TENM3: variants seen among roughly 807,000 people sequenced by gnomAD.
TENM3 encodes the protein teneurin-3.
Under a neutral mutation model 255.1 loss-of-function variants are expected in TENM3, and 63 were observed. The ratio of observed to expected loss-of-function variants is 0.25; its 90% CI spans 0.20 to 0.30. TENM3 has a LOEUF of 0.30. Ranked by LOEUF, TENM3 falls within the 10% of genes least tolerant of loss-of-function variation. TENM3 has a pLI of 1.00. For synonymous variants in TENM3, 1,306 were observed against 1,322.3 expected (o/e 0.99, Z 0.27); for missense variants, 2,929 against 3,461.1 (o/e 0.85, Z 3.86).
chr4:181,549,551 G>A, the TENM3 span, among the ~76,000 whole-genome samples: 730 of 152,318 alleles, frequency 4.8e-3, 3 homozygotes, highest in Non-Finnish European at 7.1e-3. Flanking sequence ...GCATATGAAT[G>A]TGTTTGGTTT....
chr4:182,568,523 G>A (rs1253396535), intron 3 of TENM3, among the ~76,000 whole-genome samples: 1 of 152,330 alleles, frequency 6.6e-6, no homozygotes, highest in South Asian at 2.1e-4. Context: ...CAGGCAGGAT[G>A]TAGAGTAATT....
chr4:182,463,919 G>A (rs1561474760), intron 3 of TENM3, among the ~76,000 whole-genome samples: 1 of 152,028 alleles, frequency 6.6e-6, no homozygotes, highest in Non-Finnish European at 1.5e-5. Context: ...ACCGTGCCCA[G>A]CCGTAGTATC....
chr4:181,869,711 C>T, the TENM3 span, among the ~76,000 whole-genome samples: 14 of 152,168 alleles, frequency 9.2e-5, no homozygotes, highest in East Asian at 2.7e-3. Flanking sequence ...TTATGGAGTG[C>T]ACTGAGAATT....
intron 1 of TENM3, among the ~76,000 whole-genome samples, chr4:182,276,036 C>T (rs992649266): frequency 5.7e-4 from 87 of 152,248 alleles, no homozygotes; most frequent in African/African-American, 1.6e-3. Flanking sequence ...TGGTCAAGCA[C>T]GGCCTCTCTC....
intron 16 of TENM3, among the ~76,000 whole-genome samples, chr4:182,733,077 G>A (rs76756302): frequency 0.043 from 6,599 of 152,282 alleles, 249 homozygotes; most frequent in Admixed American, 0.098. Flanking sequence ...GTCAGGTTGC[G>A]ATGAGACTTA....
chr4:181,985,435 C>A, the TENM3 span, among the ~76,000 whole-genome samples: 1 of 152,016 alleles, frequency 6.6e-6, no homozygotes, highest in Non-Finnish European at 1.5e-5. Context: ...AAATAATCCT[C>A]ATCTCTAAAA....
At chr4:182,759,237 C>T (rs931197730) in intron 22 of TENM3, among the ~76,000 whole-genome samples, 1 of 152,138 alleles carries the variant, frequency 6.6e-6, no homozygotes, top group Non-Finnish European at 1.5e-5. Context: ...TGGCTCCCAC[C>T]ACTCCTGGAA....
At chr4:181,960,565 C>G in the TENM3 span, among the ~76,000 whole-genome samples, 64,965 of 151,932 alleles carry the variant, frequency 0.43, 14,374 homozygotes, top group African/African-American at 0.52. Context: ...GGCAGCCTTT[C>G]CTTGAAGTAG....
chr4:182,414,577 A>G (rs1039603600), intron 3 of TENM3, among the ~76,000 whole-genome samples: 1 of 152,222 alleles, frequency 6.6e-6, no homozygotes, highest in Admixed American at 6.5e-5. Context: ...AAAAATTACC[A>G]TAGCAGTTTG....
chr4:181,773,536 C>T, the TENM3 span, among the ~76,000 whole-genome samples: 2 of 152,160 alleles, frequency 1.3e-5, no homozygotes, highest in Non-Finnish European at 2.9e-5. Context: ...TAAGCTGCTT[C>T]GTGTTTTGGT....
chr4:182,508,174 C>G (rs923976653), intron 3 of TENM3, among the ~76,000 whole-genome samples: 1 of 152,190 alleles, frequency 6.6e-6, no homozygotes, highest in East Asian at 1.9e-4. Flanking sequence ...GTAATATTGA[C>G]AATGCCTGGC....
chr4:181,926,050 TAAAG>T, the TENM3 span, among the ~76,000 whole-genome samples: 3 of 152,186 alleles, frequency 2.0e-5, no homozygotes, highest in Non-Finnish European at 4.4e-5. Flanking sequence ...TGAAGATAAC[TAAAG>T]AAAGACACAT....
the TENM3 span, among the ~76,000 whole-genome samples, chr4:182,078,755 TAGAG>T: frequency 4.0e-5 from 6 of 151,352 alleles, no homozygotes; most frequent in African/African-American, 1.5e-4. Flanking sequence ...GCAGAGGAAA[TAGAG>T]AGAGAGAGGG....
intron 3 of TENM3, among the ~76,000 whole-genome samples, chr4:182,444,619 C>T (rs1037655469): frequency 6.6e-6 from 1 of 152,072 alleles, no homozygotes; most frequent in Non-Finnish European, 1.5e-5. Flanking sequence ...TGTTTCCTGA[C>T]CTCTTGAGGT....
the TENM3 span, among the ~76,000 whole-genome samples, chr4:181,689,158 C>G: frequency 1.3e-5 from 2 of 152,192 alleles, no homozygotes; most frequent in Non-Finnish European, 2.9e-5. Context: ...AACCCCCTGC[C>G]TGGATGGCCA....
Position 182,436,259 on chromosome 4 carries a change from C to A in TENM3, c.511+89330C>A, listed in dbSNP as rs182981389. On this transcript the variant is annotated intron_variant, in intron 3 of 27. Transcript: ENST00000511685. ...AAGGGAGATGTTTCCCTTATCCAAA[C>A]GGACCGAGTTCCGAGTGCGTAACCC... is the stretch of plus-strand genomic sequence containing the variant. Among the ~76,000 whole-genome samples the A allele has an allele frequency of 2.4e-3, 369 of 152,248 alleles. 5 individuals are homozygous for A. Among genetic ancestry groups the A allele is most frequent in the Admixed American group, 0.021 (318 of 15,290 alleles).
At chr4:181,492,428 G>C in the TENM3 span, among the ~76,000 whole-genome samples, 3 of 152,146 alleles carry the variant, frequency 2.0e-5, no homozygotes, top group African/African-American at 7.2e-5. Context: ...AAACATAAAT[G>C]AAATATATTA....
At chr4:181,723,414 T>C in the TENM3 span, among the ~76,000 whole-genome samples, 1 of 151,914 alleles carries the variant, frequency 6.6e-6, no homozygotes, top group East Asian at 1.9e-4. Flanking sequence ...CTCTTTTTGG[T>C]AGAGCACATT....
chr4:182,771,609 G>A (rs937718293), intron 22 of TENM3, among the ~76,000 whole-genome samples: 21 of 152,068 alleles, frequency 1.4e-4, no homozygotes, highest in African/African-American at 4.8e-4. Context: ...CATGAGATGT[G>A]TAATCTGCTG....
Sources: gnomAD v4.1 joint callset for allele counts (sites outside exome capture counted in the v4.1 genomes callset) on GRCh38, gnomAD v4.1.1 for gene constraint, MANE v1.5 for transcripts, NCBI Gene and HGNC (gene_info 2026-07-23, HGNC 2026-07-21) for gene names.